Variants in FAT4 observed in about 807,000 individuals in gnomAD.
FAT4 encodes the protein FAT atypical cadherin 4.
FAT4 carries 84 observed loss-of-function variants against 303.9 expected under a neutral mutation model. The observed-to-expected ratio is 0.28, with a 90% CI of 0.23 to 0.33. FAT4 has a LOEUF of 0.33. FAT4 is among the 10% of genes least tolerant of loss of function. FAT4 has a pLI of 1.00. For synonymous variants in FAT4, 2,307 were observed against 2,298.8 expected, an observed-to-expected ratio of 1.00 and a Z score of -0.10; for missense variants, 6,005 against 6,146.8, an observed-to-expected ratio of 0.98 and a Z score of 0.77.
chr4:125,377,892 T>C (rs1458936046), intron 2 of FAT4, among the ~76,000 whole-genome samples: 1 of 152,082 alleles, frequency 6.6e-6, no homozygotes, highest in Non-Finnish European at 1.5e-5. Context: ...ACAAACATTC[T>C]CTCCAATATA....
At chr4:125,486,976 A>G (rs1005177774) in intron 16 of FAT4, among the ~76,000 whole-genome samples, 6 of 152,154 alleles carry the variant, frequency 3.9e-5, no homozygotes, top group Admixed American at 1.3e-4. Context: ...TTACTAAACG[A>G]ACCAGCATAA....
At chr4:125,474,576 G>A (rs1249771012) in intron 12 of FAT4, among the ~76,000 whole-genome samples, 1 of 151,686 alleles carries the variant, frequency 6.6e-6, no homozygotes. Flanking sequence ...GCTCACAAGA[G>A]TTTACTGTAT....
At chr4:125,368,729 C>T (rs1181677879) in intron 2 of FAT4, among the ~76,000 whole-genome samples, 1 of 145,636 alleles carries the variant, frequency 6.9e-6, no homozygotes, top group Non-Finnish European at 1.5e-5. Flanking sequence ...ATATCCAAAA[C>T]TTTTTTTTTT....
chr4:125,355,446 G>A (rs1025974861), intron 2 of FAT4, among the ~76,000 whole-genome samples: 6 of 151,990 alleles, frequency 3.9e-5, no homozygotes, highest in African/African-American at 1.4e-4. Flanking sequence ...GGATCCTGGA[G>A]TTGTACTGAT....
intron 2 of FAT4, among the ~76,000 whole-genome samples, chr4:125,387,004 G>A (rs780114699): frequency 9.2e-5 from 14 of 152,014 alleles, no homozygotes; most frequent in Admixed American, 3.3e-4. Context: ...TAGATCCTTC[G>A]CATGCACCAT....
chr4:125,449,262 G>A lies in FAT4; in HGVS notation c.8252G>A (p.Gly2751Glu), dbSNP rs767230275. 2 of 1,613,820 alleles carry A rather than the reference G, an allele frequency of 1.2e-6. No individual in the cohort carries two copies. Among genetic ancestry groups the A allele is most frequent in the Non-Finnish European group, 1.7e-6 (2 of 1,179,882 alleles). ...CTAACCATAAAATCATCAGACAAAG[G>A]GTCCCCGTCTCAGAGTACTTCAGTA... ...YVLTIKSSDK[G>E]SPSQSTSVKV... The change falls in exon 10 of 18, where the codon GGG becomes GAG. Residue 2751 changes from glycine to glutamate, a missense_variant. Physicochemically the swap from Gly to Glu is moderately conservative, Grantham distance 98 (BLOSUM62 -2). Coordinates refer to ENST00000394329, the MANE Select transcript of FAT4 (RefSeq NM_001291303.3).
At chr4:125,447,908 C>CT (rs1172362772) in intron 9 of FAT4, among the ~76,000 whole-genome samples, 6 of 151,768 alleles carry the variant, frequency 4.0e-5, no homozygotes, top group African/African-American at 1.2e-4. Context: ...CACATATGCA[C>CT]TTTTTTTTCC....
intron 2 of FAT4, among the ~76,000 whole-genome samples, chr4:125,327,559 A>T (rs1030347856): frequency 1.3e-5 from 2 of 152,108 alleles, no homozygotes; most frequent in African/African-American, 4.8e-5. Context: ...GGCTTTATAA[A>T]TTTTTAAGAT....
intron 2 of FAT4, among the ~76,000 whole-genome samples, chr4:125,324,770 CT>C (rs1169858720): frequency 1.3e-5 from 2 of 152,066 alleles, no homozygotes; most frequent in East Asian, 3.9e-4. Context: ...CCCCTGGAGA[CT>C]TTGTGTAAGC....
rs749347885 is a variant in FAT4, at chr4:125,452,007, G to T, written c.10997G>T (p.Gly3666Val). 6.2e-7 allele frequency: 1 copy of T among 1,613,954 alleles called. No homozygotes were observed. The highest frequency in any genetic ancestry group is 8.5e-7 in the Non-Finnish European group (1 of 1,180,026). ...GVTSLFSIPG[G>V]TCDLNSQPRS... ...ACCAGCCTCTTCAGTATTCCAGGGG[G>T]TACTTGTGATCTGAATTCCCAGCCA... The change falls in exon 10 of 18, where the codon GGT (glycine) becomes GTT (valine). Residue 3666 changes from glycine (G) to valine (V), a missense_variant. Coordinates refer to ENST00000394329, the MANE Select transcript of FAT4 (RefSeq NM_001291303.3).
At chr4:125,336,896 A>G (rs1472213435) in intron 2 of FAT4, among the ~76,000 whole-genome samples, 5 of 152,034 alleles carry the variant, frequency 3.3e-5, no homozygotes, top group African/African-American at 1.2e-4. Flanking sequence ...CAACTTAAAT[A>G]TCATATACTT....
rs1204947113 is a variant in FAT4, at chr4:125,449,463, T to A, written c.8453T>A (p.Leu2818His). ...AGATATTCTATAATGGATGCAAGTCTTCCATTTACAATTAATCCCAGCACA... is the reference window on the plus strand; with the variant it reads ...AGATATTCTATAATGGATGCAAGTCATCCATTTACAATTAATCCCAGCACA... ...ISRYSIMDAS[L>H]PFTINPSTGD... Residue 2818 changes from leucine (L) to histidine (H), a missense_variant, in exon 10 of 18, where the codon CTT (leucine) becomes CAT (histidine). Leu to His is a moderately conservative substitution (Grantham distance 99, BLOSUM62 -3). Coordinates refer to ENST00000394329, the MANE Select transcript of FAT4 (RefSeq NM_001291303.3). 1 of 1,613,794 alleles carries A rather than the reference T, an allele frequency of 6.2e-7. No homozygotes were observed. The highest frequency in any genetic ancestry group is 8.5e-7 in the Non-Finnish European group (1 of 1,179,762).
chr4:125,480,552 C>T (rs1727190706), intron 15 of FAT4, among the ~76,000 whole-genome samples: 1 of 151,956 alleles, frequency 6.6e-6, no homozygotes, highest in Non-Finnish European at 1.5e-5. Context: ...TACTTAACTC[C>T]ATTGCAGGTA....
At chr4:125,427,324 AAAG>A (rs1725118511) in intron 7 of FAT4, among the ~76,000 whole-genome samples, 1 of 151,962 alleles carries the variant, frequency 6.6e-6, no homozygotes. Context: ...TAACTTTACT[AAAG>A]TAATTATTTT....
In FAT4 at chr4:125,491,951, A is replaced by C; in HGVS notation, c.*183A>C. Reference sequence around the variant, plus strand: ...AGACTCACAACAACTCTTAATTTAAACATGTGTGGTTGAATTTATTTCCCT... The same window carrying C: ...AGACTCACAACAACTCTTAATTTAACCATGTGTGGTTGAATTTATTTCCCT... On this transcript the variant is annotated 3_prime_UTR_variant, in exon 18 of 18. Transcript: ENST00000394329. 1.7e-6 allele frequency: 1 copy of C among 594,280 alleles called. No homozygotes were observed. The highest frequency in any genetic ancestry group is 2.8e-6 in the Non-Finnish European group (1 of 354,110). The allele number at this position is 594,280 out of a possible 1,614,324, so 36.8% of individuals were successfully genotyped here. A position where few individuals can be genotyped will look rare whatever the true frequency, so the allele number is the denominator to read the frequency against.
intron 10 of FAT4, among the ~76,000 whole-genome samples, chr4:125,453,354 T>C (rs899019705): frequency 6.6e-6 from 1 of 152,192 alleles, no homozygotes; most frequent in Non-Finnish European, 1.5e-5. Context: ...GTCATTATTA[T>C]CGAAATGTGA....
intron 14 of FAT4, among the ~76,000 whole-genome samples, chr4:125,479,079 C>G (rs1201979998): frequency 2.6e-5 from 4 of 152,162 alleles, no homozygotes; most frequent in Non-Finnish European, 5.9e-5. Context: ...GGCTTTCTCA[C>G]TGGCTGTTTC....
At chr4:125,443,036 AT>A (rs1560610775) in intron 8 of FAT4, among the ~76,000 whole-genome samples, 1 of 152,146 alleles carries the variant, frequency 6.6e-6, no homozygotes, top group Non-Finnish European at 1.5e-5. Context: ...AGTGCTATTC[AT>A]GGGGTTTAAA....
intron 2 of FAT4, among the ~76,000 whole-genome samples, chr4:125,358,435 C>T (rs924754807): frequency 1.1e-4 from 16 of 151,926 alleles, no homozygotes; most frequent in African/African-American, 2.4e-4. Context: ...GTCCTGAACT[C>T]GTTTTCCTGC....
Sources: gnomAD v4.1 joint callset for allele counts (sites outside exome capture counted in the v4.1 genomes callset) on GRCh38, gnomAD v4.1.1 for gene constraint, MANE v1.5 for transcripts, NCBI Gene and HGNC (gene_info 2026-07-23, HGNC 2026-07-21) for gene names.